The following SUGCT variants were observed in gnomAD, a reference collection of about 807,000 sequenced individuals.
SUGCT encodes the protein succinyl-CoA:glutarate-CoA transferase.
SUGCT carries 41 observed loss-of-function variants against 55.0 expected under a neutral mutation model. The ratio of observed to expected loss-of-function variants is 0.74; its 90% CI spans 0.58 to 0.97. The LOEUF is 0.97. Ranked by LOEUF, SUGCT falls within the 50% of genes least tolerant of loss-of-function variation. The pLI is 0.00. For synonymous variants in SUGCT, 187 were observed against 200.4 expected (o/e 0.93, Z 0.56); for missense variants, 568 against 547.8 (o/e 1.04, Z -0.37).
intron 13 of SUGCT, among the ~76,000 whole-genome samples, chr7:40,854,419 CCTTTCTTT>C (rs70990650): frequency 0.032 from 2,824 of 88,718 alleles, 38 homozygotes; most frequent in Admixed American, 0.052. Context: ...TTCTTTCTTT[CCTTTCTTT>C]CTTTCTTTCT....
chr7:40,446,887 A>T (rs143101427), intron 9 of SUGCT, among the ~76,000 whole-genome samples: 2 of 152,198 alleles, frequency 1.3e-5, no homozygotes, highest in Non-Finnish European at 2.9e-5. Flanking sequence ...ACACGTGGCT[A>T]TTGAATGCTT....
intron 7 of SUGCT, among the ~76,000 whole-genome samples, chr7:40,272,113 G>C (rs6979211): frequency 2.1e-5 from 2 of 93,174 alleles, no homozygotes; most frequent in African/African-American, 4.2e-5. Context: ...ATATATATAT[G>C]GATGTTTCAA....
At chr7:40,302,583 G>A (rs1397148084) in intron 8 of SUGCT, among the ~76,000 whole-genome samples, 2 of 152,140 alleles carry the variant, frequency 1.3e-5, no homozygotes, top group Non-Finnish European at 2.9e-5. Context: ...TCTTTTCCAA[G>A]CTCATTTAGA....
chr7:40,248,421 T>C (rs2150920218), intron 7 of SUGCT, among the ~76,000 whole-genome samples: 2 of 152,354 alleles, frequency 1.3e-5, no homozygotes, highest in South Asian at 4.1e-4. Context: ...CTTGCTTTTA[T>C]TGTGTCTATA....
chr7:40,437,718 G>A (rs1583674146), intron 9 of SUGCT, among the ~76,000 whole-genome samples: 1 of 152,284 alleles, frequency 6.6e-6, no homozygotes, highest in East Asian at 1.9e-4. Flanking sequence ...CACAGACCCA[G>A]AAGTCAATAA....
intron 6 of SUGCT, among the ~76,000 whole-genome samples, chr7:40,201,053 A>G (rs1486918803): frequency 1.3e-5 from 2 of 152,180 alleles, no homozygotes; most frequent in South Asian, 2.1e-4. Flanking sequence ...CATATTCACC[A>G]CATAACTATA....
chr7:40,428,781 A>G (rs1169117584), intron 9 of SUGCT, among the ~76,000 whole-genome samples: 1 of 152,168 alleles, frequency 6.6e-6, no homozygotes, highest in East Asian at 1.9e-4. Flanking sequence ...CCAATGTTAC[A>G]GTATTACAGT....
chr7:40,139,477 C>T (rs1290126587), intron 1 of SUGCT, among the ~76,000 whole-genome samples: 2 of 152,166 alleles, frequency 1.3e-5, no homozygotes, highest in Middle Eastern at 3.2e-3. Context: ...GGATTACAGG[C>T]GTGAGCCACT....
intron 12 of SUGCT, among the ~76,000 whole-genome samples, chr7:40,605,463 T>A (rs957864229): frequency 1.3e-5 from 2 of 152,242 alleles, no homozygotes; most frequent in African/African-American, 2.4e-5. Flanking sequence ...ATGTTTAACA[T>A]AGCTCTTTCT....
the SUGCT span, among the ~76,000 whole-genome samples, chr7:40,898,648 G>C: frequency 0.43 from 65,256 of 151,594 alleles, 15,494 homozygotes; most frequent in East Asian, 0.59. Context: ...GGCGTGAACC[G>C]TGGAGGCGGA....
At chr7:40,526,851 A>G (rs1162330634) in intron 12 of SUGCT, among the ~76,000 whole-genome samples, 1 of 152,034 alleles carries the variant, frequency 6.6e-6, no homozygotes, top group East Asian at 1.9e-4. Context: ...TATTTTAAGG[A>G]TTTGTTGGTT....
intron 13 of SUGCT, among the ~76,000 whole-genome samples, chr7:40,771,718 T>G (rs1789114463): frequency 6.6e-6 from 1 of 152,170 alleles, no homozygotes; most frequent in Non-Finnish European, 1.5e-5. Context: ...AAATGAGACT[T>G]GAAAGGAAAT....
intron 9 of SUGCT, among the ~76,000 whole-genome samples, chr7:40,407,662 C>G (rs1786451518): frequency 1.3e-5 from 2 of 152,036 alleles, no homozygotes; most frequent in South Asian, 4.2e-4. Flanking sequence ...TTTTGGCACT[C>G]CTCTGCAAAA....
chr7:40,731,459 GAAA>G (rs1311084714), intron 12 of SUGCT, among the ~76,000 whole-genome samples: 1 of 151,924 alleles, frequency 6.6e-6, no homozygotes, highest in Non-Finnish European at 1.5e-5. Flanking sequence ...TTATTTATAG[GAAA>G]AAACAGCATT....
chr7:40,808,628 G>T (rs998115584), intron 13 of SUGCT, among the ~76,000 whole-genome samples: 5 of 152,220 alleles, frequency 3.3e-5, no homozygotes, highest in African/African-American at 1.2e-4. Context: ...TTGGTGGTAA[G>T]GAAGAACATT....
intron 7 of SUGCT, among the ~76,000 whole-genome samples, chr7:40,269,111 G>A (rs1562630546): frequency 6.6e-6 from 1 of 152,050 alleles, no homozygotes; most frequent in African/African-American, 2.4e-5. Context: ...CTTGACACTT[G>A]TTATTTCTCT....
intron 12 of SUGCT, among the ~76,000 whole-genome samples, chr7:40,670,093 G>A (rs537493811): frequency 6.9e-6 from 1 of 144,110 alleles, no homozygotes; most frequent in South Asian, 2.3e-4. Flanking sequence ...TTGAATGCCA[G>A]TAGCTTTCTC....
intron 5 of SUGCT, among the ~76,000 whole-genome samples, chr7:40,193,529 C>T (rs1562566894): frequency 1.3e-5 from 2 of 151,928 alleles, no homozygotes; most frequent in Admixed American, 1.3e-4. Context: ...AAGTGATCTG[C>T]CTACCTAGGC....
intron 12 of SUGCT, among the ~76,000 whole-genome samples, chr7:40,736,299 A>G (rs1787164023): frequency 1.4e-5 from 2 of 146,030 alleles, no homozygotes; most frequent in South Asian, 2.1e-4. Flanking sequence ...ATATTTATAT[A>G]ATCTATTATA....
Sources: allele counts gnomAD v4.1 joint callset (sites outside exome capture counted in the v4.1 genomes callset), GRCh38; gene constraint gnomAD v4.1.1; transcripts MANE v1.5; gene names NCBI Gene and HGNC (gene_info 2026-07-23, HGNC 2026-07-21).